The following SRGAP2 variants were observed in gnomAD, a reference collection of about 807,000 sequenced individuals.
SRGAP2 encodes SLIT-ROBO Rho GTPase-activating protein 2.
Under a neutral mutation model 57.2 loss-of-function variants are expected in SRGAP2, and 15 were observed. That is an observed-to-expected ratio of 0.26 (90% CI 0.18 to 0.40). The LOEUF (loss-of-function observed/expected upper bound fraction) is 0.40, where lower values mean the gene tolerates loss of function less well. Among genes scored for constraint, SRGAP2 ranks in the 10% least tolerant of loss-of-function variants. The pLI, the probability that SRGAP2 is intolerant of heterozygous loss-of-function variation, is 1.00. For synonymous variants in SRGAP2, 249 were observed against 248.0 expected (o/e 1.00, Z -0.04); for missense variants, 520 against 669.6 (o/e 0.78, Z 2.47).
chr1:206,220,839 C>T (rs1666940993), intron 2 of SRGAP2, among the ~76,000 whole-genome samples: 1 of 152,096 alleles, frequency 6.6e-6, no homozygotes, highest in Admixed American at 6.5e-5. Context: ...TTCCTGTCCC[C>T]TCCCCTCCTC....
At chr1:206,321,698 G>C (rs1553327668) in intron 3 of SRGAP2, among the ~76,000 whole-genome samples, 2 of 134,194 alleles carry the variant, frequency 1.5e-5, no homozygotes, top group Non-Finnish European at 3.2e-5. Flanking sequence ...TTATTCAACA[G>C]GTTATAATCC....
intron 2 of SRGAP2, among the ~76,000 whole-genome samples, chr1:206,276,530 G>A (rs1670423049): frequency 6.7e-6 from 1 of 149,578 alleles, no homozygotes; most frequent in Non-Finnish European, 1.5e-5. Context: ...AATTGCCTGG[G>A]TTGAAAAGCC....
intron 5 of SRGAP2, among the ~76,000 whole-genome samples, chr1:206,386,399 A>G (rs1656257383): frequency 6.9e-6 from 1 of 145,782 alleles, no homozygotes; most frequent in South Asian, 2.3e-4. Context: ...CATACACTCC[A>G]TGCACTGGTA....
chr1:206,333,405 T>C, intron 3 of SRGAP2: 1 of 1,363,360 alleles, frequency 7.3e-7, no homozygotes, highest in Non-Finnish European at 1.0e-6. Context: ...GCTGTTATCT[T>C]CAGCTTCTTC....
chr1:206,428,563 C>T (rs539526362), intron 13 of SRGAP2, among the ~76,000 whole-genome samples: 97 of 152,192 alleles, frequency 6.4e-4, no homozygotes, highest in African/African-American at 2.2e-3. Context: ...GTTAGGTCTC[C>T]GAGGGAGATT....
intron 5 of SRGAP2, among the ~76,000 whole-genome samples, chr1:206,387,384 A>G (rs564787357): frequency 1.4e-5 from 2 of 145,198 alleles, no homozygotes; most frequent in East Asian, 2.0e-4. Flanking sequence ...GGACTGTTAC[A>G]TGCTAGCTTT....
intron 3 of SRGAP2, among the ~76,000 whole-genome samples, chr1:206,327,348 G>A (rs1248942706): frequency 4.6e-5 from 7 of 151,196 alleles, no homozygotes; most frequent in African/African-American, 1.5e-4. Context: ...AAAAAGAAGT[G>A]TTCCTATTTA....
At chr1:206,449,830 A>G (rs1477090315) in intron 18 of SRGAP2, among the ~76,000 whole-genome samples, 1 of 151,870 alleles carries the variant, frequency 6.6e-6, no homozygotes, top group Non-Finnish European at 1.5e-5. Context: ...TTAAACACCC[A>G]CTCTGTGCCA....
chr1:206,453,325 C>A lies in SRGAP2; in HGVS notation c.2305C>A (p.Arg769=). 1.3e-6 allele frequency: 1 copy of A among 756,650 alleles called. No individual in the cohort carries two copies. The highest frequency in any genetic ancestry group is 2.5e-6 in the Non-Finnish European group (1 of 405,498). The allele number at this position is 756,650 out of a possible 1,614,324, so 46.9% of individuals were successfully genotyped here. A position where few individuals can be genotyped will look rare whatever the true frequency, so the allele number is the denominator to read the frequency against. ...GGCTTCCGACGACTGGTGGGAAGGC[C>A]GGCACAATGGCATCGACGGACTCAT... is the stretch of plus-strand genomic sequence containing the variant. The part of the protein sequence containing the change: ...QRASDDWWEG[R]HNGIDGLIPH... The change falls in exon 20 of 23, where the codon CGG becomes AGG. Residue 769 remains arginine (R), a synonymous_variant. Coordinates refer to ENST00000573034, the MANE Select transcript of SRGAP2 (RefSeq NM_015326.5).
At chr1:206,442,713 A>G (rs1202388751) in intron 17 of SRGAP2, among the ~76,000 whole-genome samples, 1 of 152,226 alleles carries the variant, frequency 6.6e-6, no homozygotes, top group Non-Finnish European at 1.5e-5. Context: ...AAAATGCAGC[A>G]TTAATAAAGT....
At chr1:206,425,469 A>G (rs1327470792) in intron 13 of SRGAP2, among the ~76,000 whole-genome samples, 8 of 152,196 alleles carry the variant, frequency 5.3e-5, no homozygotes, top group Admixed American at 3.3e-4. Context: ...ATCAAACATT[A>G]GAACTTATTT....
At chr1:206,231,687 G>C (rs1189507445) in intron 2 of SRGAP2, among the ~76,000 whole-genome samples, 3 of 148,218 alleles carry the variant, frequency 2.0e-5, no homozygotes, top group African/African-American at 7.5e-5. Context: ...ACAAGCGTGT[G>C]TCACCATGCT....
At chr1:206,273,632 G>C in intron 2 of SRGAP2, among the ~76,000 whole-genome samples, 1 of 149,920 alleles carries the variant, frequency 6.7e-6, no homozygotes. Flanking sequence ...TGTCAGAGAG[G>C]TCTGATATCA....
intron 14 of SRGAP2, among the ~76,000 whole-genome samples, chr1:206,433,492 T>A (rs1345724702): frequency 6.6e-6 from 1 of 151,838 alleles, no homozygotes; most frequent in African/African-American, 2.4e-5. Flanking sequence ...TACAAAAAAA[T>A]TAGCTGGGTG....
At chr1:206,285,456 A>G (rs1157112147) in intron 2 of SRGAP2, among the ~76,000 whole-genome samples, 1 of 152,016 alleles carries the variant, frequency 6.6e-6, no homozygotes, top group Non-Finnish European at 1.5e-5. Context: ...AGATTGTGCC[A>G]CTTGCTGACA....
intron 17 of SRGAP2, among the ~76,000 whole-genome samples, chr1:206,444,663 C>A (rs1030357082): frequency 6.6e-6 from 1 of 152,190 alleles, no homozygotes; most frequent in Non-Finnish European, 1.5e-5. Context: ...ATCCTCCTGT[C>A]CCTCCCCAGT....
At chr1:206,334,641 T>C (rs1214374286) in intron 3 of SRGAP2, among the ~76,000 whole-genome samples, 2 of 152,176 alleles carry the variant, frequency 1.3e-5, no homozygotes, top group Non-Finnish European at 2.9e-5. Flanking sequence ...ACTTCTCCGC[T>C]CATGCCTGGT....
At chr1:206,225,650 CTG>C (rs1319588118) in intron 2 of SRGAP2, among the ~76,000 whole-genome samples, 2 of 152,006 alleles carry the variant, frequency 1.3e-5, no homozygotes, top group Non-Finnish European at 2.9e-5. Context: ...TGCAGAGAAA[CTG>C]TGAAATAGAT....
At chr1:206,445,190 G>A (rs1230448763) in intron 17 of SRGAP2, among the ~76,000 whole-genome samples, 1 of 152,218 alleles carries the variant, frequency 6.6e-6, no homozygotes, top group Non-Finnish European at 1.5e-5. Context: ...AGGCTGTGTT[G>A]GGGAGGTATC....
Sources: gnomAD v4.1 joint callset for allele counts (sites outside exome capture counted in the v4.1 genomes callset) on GRCh38, gnomAD v4.1.1 for gene constraint, MANE v1.5 for transcripts, NCBI Gene and HGNC (gene_info 2026-07-23, HGNC 2026-07-21) for gene names.